The following HEATR4 variants were observed in gnomAD, a reference collection of about 807,000 sequenced individuals.
The protein encoded by HEATR4 is HEAT repeat containing 4.
HEATR4 carries 95 observed loss-of-function variants against 108.8 expected under a neutral mutation model. The observed-to-expected ratio is 0.87, with a 90% CI of 0.74 to 1.04. HEATR4 has a LOEUF of 1.04. Among genes scored for constraint, HEATR4 ranks in the 50% least tolerant of loss-of-function variants. The pLI is 0.00. For synonymous variants in HEATR4, 443 were observed against 459.4 expected (o/e 0.96, Z 0.46); for missense variants, 1,152 against 1,253.8 (o/e 0.92, Z 1.23).
chr14:73,563,716 G>A (rs140448077), upstream of HEATR4, among the ~76,000 whole-genome samples: 5,823 of 151,682 alleles, frequency 0.038, 232 homozygotes, highest in Non-Finnish European at 0.061. Context: ...TAATTCTAGC[G>A]CTTTGGGAGG....
At chr14:73,484,060 T>A (rs2140241281) in intron 17 of HEATR4, among the ~76,000 whole-genome samples, 1 of 152,210 alleles carries the variant, frequency 6.6e-6, no homozygotes, top group East Asian at 1.9e-4. Context: ...TTTTACCATG[T>A]TGGCCAGGCT....
the HEATR4 span, chr14:73,613,074 G>A: frequency 3.5e-6 from 2 of 578,496 alleles, no homozygotes; most frequent in East Asian, 3.4e-5. Flanking sequence ...GACCCCCACC[G>A]GCCCCTTTCC....
chr14:73,590,462 C>T, the HEATR4 span, among the ~76,000 whole-genome samples: 1 of 152,270 alleles, frequency 6.6e-6, no homozygotes, highest in Non-Finnish European at 1.5e-5. Context: ...GCCTGCCAGT[C>T]CCGCGCCGTG....
upstream of HEATR4, among the ~76,000 whole-genome samples, chr14:73,560,188 T>C (rs1283249950): frequency 1.3e-5 from 2 of 152,118 alleles, no homozygotes; most frequent in East Asian, 1.9e-4. Flanking sequence ...GCAGGAAAGA[T>C]TTCTGGGCCT....
At chr14:73,496,904 T>A (rs183630830) in intron 14 of HEATR4, among the ~76,000 whole-genome samples, 1 of 152,234 alleles carries the variant, frequency 6.6e-6, no homozygotes, top group African/African-American at 2.4e-5. Flanking sequence ...CTTTTTGTTT[T>A]TGCGAGATGG....
intron 7 of HEATR4, 98 bp downstream of exon 7, chr14:73,511,908 A>G: frequency 6.8e-7 from 1 of 1,467,610 alleles, no homozygotes; most frequent in Non-Finnish European, 9.4e-7. Context: ...CCACATTTGT[A>G]AAATGATCTC....
chr14:73,586,871 C>T, the HEATR4 span, among the ~76,000 whole-genome samples: 1 of 152,006 alleles, frequency 6.6e-6, no homozygotes, highest in Non-Finnish European at 1.5e-5. Context: ...CACTACCACA[C>T]CTGGCTAATT....
Position 73,545,056 on chromosome 14 carries a change from T to C in HEATR4, c.-152+13695A>G, listed in dbSNP as rs376585218. Among the ~76,000 whole-genome samples, 6 of 114,152 alleles carry C rather than the reference T, an allele frequency of 5.3e-5. 1 individual carries two copies. The South Asian group carries it at 1.7e-3, about 32-fold the overall frequency. The allele number at this position is 114,152 out of a possible 152,430, so 74.9% of individuals were successfully genotyped here. A position where few individuals can be genotyped will look rare whatever the true frequency, so the allele number is the denominator to read the frequency against. On this transcript the variant is annotated intron_variant, in intron 1 of 17. Coordinates refer to ENST00000553558, the MANE Select transcript of HEATR4 (RefSeq NM_001220484.1). ...AAAAAAACCTTAATTTATTATTATT[T>C]TCTTTCCTTTTTTTTTTTTGGAGGC...
At chr14:73,573,580 G>A in the HEATR4 span, 26 of 1,613,740 alleles carry the variant, frequency 1.6e-5, 1 homozygote, top group Non-Finnish European at 2.2e-5. Flanking sequence ...TACTTGCTCA[G>A]TCATCCCGAG....
intron 14 of HEATR4, 52 bp from the exon 15 acceptor site, chr14:73,496,731 G>A (rs1183310170): frequency 1.2e-5 from 12 of 970,022 alleles, no homozygotes; most frequent in Non-Finnish European, 2.0e-5. Context: ...CTTTAAAAAA[G>A]TATGGGGGTA....
the HEATR4 span, chr14:73,617,334 G>C: frequency 1.4e-5 from 16 of 1,181,288 alleles, no homozygotes; most frequent in Non-Finnish European, 1.7e-5. Context: ...TAGGGTGGAA[G>C]CTGGGCATGG....
At chr14:73,589,384 A>T in the HEATR4 span, among the ~76,000 whole-genome samples, 2 of 151,572 alleles carry the variant, frequency 1.3e-5, no homozygotes, top group Non-Finnish European at 2.9e-5. Flanking sequence ...CAGTGGTATG[A>T]TCTCAGCTTA....
rs869167008 is a variant in HEATR4, at chr14:73,535,469, C to CTTTTTTTTTTTTTTTTTTTTTTTTT, written c.-151-5250_-151-5226dup. 7.3e-4 allele frequency among the ~76,000 whole-genome samples: 12 copies of CTTTTTTTTTTTTTTTTTTTTTTTTT among 16,530 alleles called. 4 individuals are homozygous for CTTTTTTTTTTTTTTTTTTTTTTTTT. Among genetic ancestry groups the CTTTTTTTTTTTTTTTTTTTTTTTTT allele is most frequent in the Non-Finnish European group, 2.2e-3 (8 of 3,612 alleles). The allele number at this position is 16,530 out of a possible 152,430, so 10.8% of individuals were successfully genotyped here. A position where few individuals can be genotyped will look rare whatever the true frequency, so the allele number is the denominator to read the frequency against. On this transcript the variant is annotated intron_variant, in intron 1 of 17. Transcript: ENST00000553558. ...CCTTTTTCTTTTCTTTTTCTTCTTT[C>CTTTTTTTTTTTTTTTTTTTTTTTTT]TTTTTTTTTTTTTTTTTTTTTTTTT...
chr14:73,630,616 C>G, the HEATR4 span, among the ~76,000 whole-genome samples: 1 of 152,136 alleles, frequency 6.6e-6, no homozygotes, highest in Admixed American at 6.6e-5. Context: ...TGGGGCATGC[C>G]GGTCCCTCTT....
rs1455117564 is a variant in HEATR4 at position 73,498,197 on chromosome 14, A to C, written c.2504T>G (p.Phe835Cys). ...KLQGDRVRDTFLDVLLLENHD... is the reference protein window; with the variant it reads ...KLQGDRVRDTCLDVLLLENHD... ...GTTCTCCAGGAGCAGCACGTCTAGG[A>C]AGGTGTCCCTGACCCGGTCCCCTTG... The change falls in exon 14 of 18, where the codon TTC becomes TGC. Residue 835 changes from phenylalanine to cysteine, a missense_variant. Phe to Cys is a radical substitution (Grantham distance 205). Transcript: ENST00000553558. 1.2e-6 allele frequency: 2 copies of C among 1,613,856 alleles called. No homozygotes were observed. The highest frequency in any genetic ancestry group is 1.7e-6 in the Non-Finnish European group (2 of 1,179,870).
Position 73,529,379 on chromosome 14 carries a change from T to TAAAA in HEATR4, c.-73+786_-73+787insTTTT, listed in dbSNP as rs1566845781. Among the ~76,000 whole-genome samples, 2 of 116,828 alleles carry TAAAA rather than the reference T, an allele frequency of 1.7e-5. 1 individual carries two copies. The allele number at this position is 116,828 out of a possible 152,430, so 76.6% of individuals were successfully genotyped here. A position where few individuals can be genotyped will look rare whatever the true frequency, so the allele number is the denominator to read the frequency against. The stretch of plus-strand genomic sequence containing the variant: ...CAAAAAAAAAAAAAAAAAAAAAAAT[T>TAAAA]AAGTCAATCCTGGCATAACTGCAGA... On this transcript the variant is annotated intron_variant, in intron 2 of 17. Coordinates refer to ENST00000553558, the MANE Select transcript of HEATR4 (RefSeq NM_001220484.1).
At chr14:73,560,404 C>T (rs923997404), upstream of HEATR4, among the ~76,000 whole-genome samples, 6 of 152,026 alleles carry the variant, frequency 3.9e-5, no homozygotes, top group African/African-American at 1.2e-4. Flanking sequence ...TGGCTCACGC[C>T]CATAATCCCA....
At chr14:73,577,086 C>G in the HEATR4 span, among the ~76,000 whole-genome samples, 1 of 151,134 alleles carries the variant, frequency 6.6e-6, no homozygotes, top group Non-Finnish European at 1.5e-5. Flanking sequence ...GCACACACCA[C>G]CATGCCTGGC....
In HEATR4 at chr14:73,495,464, T is replaced by C. The variant is rs149616467; in HGVS notation, c.2626-77A>G. ...GCAGCAAATTATCAAAAAACATTAATAAAGTGATTGTAGGAGGCTGAGGAG... is the reference window on the plus strand; with the variant it reads ...GCAGCAAATTATCAAAAAACATTAACAAAGTGATTGTAGGAGGCTGAGGAG... On this transcript the variant is annotated intron_variant, in intron 15 of 17. Transcript: ENST00000553558. 538 of 1,240,010 alleles carry C rather than the reference T, an allele frequency of 4.3e-4. 2 individuals are homozygous for C. The African/African-American group carries it at 7.0e-3, about 16-fold the overall frequency. The allele number at this position is 1,240,010 out of a possible 1,614,324, so 76.8% of individuals were successfully genotyped here.
Sources: gnomAD v4.1 joint callset for allele counts (sites outside exome capture counted in the v4.1 genomes callset) on GRCh38, gnomAD v4.1.1 for gene constraint, MANE v1.5 for transcripts, NCBI Gene and HGNC (gene_info 2026-07-23, HGNC 2026-07-21) for gene names.